Variants in NLGN2 observed in about 807,000 individuals in gnomAD.
NLGN2 encodes neuroligin-2.
In NLGN2, 11 loss-of-function variants were observed where a neutral mutation model predicts 48.6. The ratio of observed to expected loss-of-function variants is 0.23; its 90% CI spans 0.14 to 0.37. The LOEUF is 0.37. NLGN2 is among the 10% of genes least tolerant of loss of function. NLGN2 has a pLI of 1.00. For missense variants in NLGN2, 801 were observed against 1,225.2 expected (o/e 0.65, Z 5.17); for synonymous variants, 548 against 550.0 (o/e 1.00, Z 0.05).
chr17:7,408,546 C>T lies in NLGN2; in HGVS notation c.291C>T (p.Arg97=). 1.3e-6 allele frequency: 2 copies of T among 1,548,432 alleles called. No homozygotes were observed. The highest frequency in any genetic ancestry group is 2.4e-5 in the South Asian group (2 of 84,632). Residue 97 remains arginine, a synonymous_variant, in exon 1 of 7, where the codon CGC becomes CGT. Coordinates refer to ENST00000302926, the MANE Select transcript of NLGN2 (RefSeq NM_020795.4). The surrounding 1 kb of genome is among the most constrained non-coding windows in gnomAD (Gnocchi z 7.5). ...CGCCCGCCTCGTGGCCCGGCGTGCG[C>T]AACGCCACCACCCTGCCGCCCGCCT... ...PEAPASWPGV[R]NATTLPPACP...
At chr17:7,407,421 GTGT>G (rs1906690872), upstream of NLGN2, among the ~76,000 whole-genome samples, 1 of 152,224 alleles carries the variant, frequency 6.6e-6, no homozygotes, top group African/African-American at 2.4e-5. Context: ...AGCGAATGGT[GTGT>G]TGAAGTGGGG....
rs1188643532 is a variant in NLGN2 at position 7,408,706 on chromosome 17, G to A, written c.451G>A (p.Glu151Lys). 5.6e-6 allele frequency: 9 copies of A among 1,613,020 alleles called. No homozygotes were observed. The highest frequency in any genetic ancestry group is 7.6e-6 in the Non-Finnish European group (9 of 1,179,728). ...GTACCTCAACCTCTACGTGCCCACC[G>A]AGGACGGTAAGGGCGCGGGCACAAA... ...CLYLNLYVPT[E>K]DGPLTKKRDE... Residue 151 changes from glutamate (E) to lysine (K), a missense_variant, in exon 1 of 7, where the codon GAG becomes AAG. By Grantham distance (56) the Glu-to-Lys change is moderately conservative. Transcript: ENST00000302926. This position sits in a 1 kb window ranked among gnomAD's most constrained non-coding sequence, Gnocchi z 7.5.
upstream of NLGN2, among the ~76,000 whole-genome samples, chr17:7,407,287 T>G (rs1277733564): frequency 6.6e-6 from 1 of 152,094 alleles, no homozygotes; most frequent in Non-Finnish European, 1.5e-5. Flanking sequence ...CACGCATCTG[T>G]CCCTGGATTT....
chr17:7,418,632 C>G lies in NLGN2; in HGVS notation c.*833C>G, dbSNP rs976964893. 1 of 152,514 alleles carries G rather than the reference C, an allele frequency of 6.6e-6. No individual in the cohort carries two copies. The highest frequency in any genetic ancestry group is 6.5e-5 in the Admixed American group (1 of 15,280). The allele number at this position is 152,514 out of a possible 1,614,324, so 9.4% of individuals were successfully genotyped here. ...CTTCCCAGCACTTCCCTGCCTCCCCCAGGCCTCAGGCCCAGCACCCAGTTC... is the reference window on the plus strand; with the variant it reads ...CTTCCCAGCACTTCCCTGCCTCCCCGAGGCCTCAGGCCCAGCACCCAGTTC... On this transcript the variant is annotated 3_prime_UTR_variant, in exon 7 of 7. Transcript: ENST00000302926.
rs1467200471 is a variant in NLGN2, at chr17:7,414,925, AGCCTGGCCTGAGGTCT to A, written c.845-25_845-10del. The A allele has an allele frequency of 6.2e-7, 1 of 1,613,040 alleles. No homozygotes were observed. On this transcript the variant is annotated splice_polypyrimidine_tract_variant and intron_variant, in intron 4 of 6. Transcript: ENST00000302926. ...CCCTCTCCTTCAGGCCGGTACTCAC[AGCCTGGCCTGAGGTCT>A]GCCTGTCCCGCCAGGGCTGTTCCAG...
chr17:7,416,044 C>T lies in NLGN2; in HGVS notation c.1571C>T (p.Ser524Phe). 6.2e-7 allele frequency: 1 copy of T among 1,614,136 alleles called. No individual in the cohort carries two copies. Among genetic ancestry groups the T allele is most frequent in the Non-Finnish European group, 8.5e-7 (1 of 1,180,030 alleles). ...ACCGACCTCTTCCCCTGTAACTTCT[C>T]CAAGAATGACGTCATGCTCAGTGCC... is the stretch of plus-strand genomic sequence containing the variant. The part of the protein sequence containing the change: ...GATDLFPCNF[S>F]KNDVMLSAVV... The change falls in exon 6 of 7, where the codon TCC becomes TTC. Residue 524 changes from serine (S) to phenylalanine (F), a missense_variant. By Grantham distance (155) the Ser-to-Phe change is radical. Around this residue, in one of 5 missense-constraint regions of NLGN2, gnomAD observed 303 missense variants for 600.1 expected, o/e 0.50. Coordinates refer to ENST00000302926, the MANE Select transcript of NLGN2 (RefSeq NM_020795.4).
intron 5 of NLGN2, 74 bp downstream of exon 5, chr17:7,415,222 A>C: frequency 7.1e-7 from 1 of 1,410,472 alleles, no homozygotes; most frequent in Non-Finnish European, 9.6e-7. Context: ...GCCTGTGGGC[A>C]TACCATTTGG....
upstream of NLGN2, among the ~76,000 whole-genome samples, chr17:7,407,385 AG>A (rs1906689451): frequency 6.6e-6 from 1 of 152,060 alleles, no homozygotes; most frequent in African/African-American, 2.4e-5. Flanking sequence ...CTGGGGAGAG[AG>A]GGGTCGCAGG....
intron 6 of NLGN2, 77 bp downstream of exon 6, chr17:7,416,184 A>T: frequency 1.7e-6 from 2 of 1,205,536 alleles, no homozygotes; most frequent in Non-Finnish European, 2.4e-6. Context: ...CTGTTAAGGC[A>T]CTCACTCTGG....
In NLGN2 at chr17:7,415,718, C is replaced by T. The variant is rs1907074201; in HGVS notation, c.1245C>T (p.Asp415=). The T allele has an allele frequency of 1.2e-6, 2 of 1,614,138 alleles. No individual in the cohort carries two copies. Among genetic ancestry groups the T allele is most frequent in the Non-Finnish European group, 1.7e-6 (2 of 1,180,054 alleles). Residue 415 remains aspartate (D), a synonymous_variant, in exon 6 of 7, where the codon GAC becomes GAT. Transcript: ENST00000302926. ...AFDFTVSNFV[D]NLYGYPEGKD... is the part of the protein sequence containing the mutation. ...ACTTCACTGTCTCCAACTTTGTGGACAACCTGTATGGCTACCCGGAAGGCA... is the reference window on the plus strand; with the variant it reads ...ACTTCACTGTCTCCAACTTTGTGGATAACCTGTATGGCTACCCGGAAGGCA...
At chr17:7,412,263 C>A in intron 2 of NLGN2, 56 bp downstream of exon 2, 2 of 1,346,042 alleles carry the variant, frequency 1.5e-6, no homozygotes, top group Non-Finnish European at 2.1e-6. Flanking sequence ...ACATTCATGG[C>A]CCTGCCCCTC....
In NLGN2 at chr17:7,415,639, A is replaced by G; in HGVS notation, c.1166A>G (p.Lys389Arg). Residue 389 changes from lysine to arginine, a missense_variant, in exon 6 of 7, where the codon AAG becomes AGG. This residue lies in a region of NLGN2 where 303 missense variants were observed against 600.1 expected (regional missense o/e 0.50). Transcript: ENST00000302926. Reference sequence around the variant, plus strand: ...GGCGTCAACCAGGGAGAGGGCCTCAAGTTCGTGGAGGACTCTGCAGAGAGC... The same window carrying G: ...GGCGTCAACCAGGGAGAGGGCCTCAGGTTCGTGGAGGACTCTGCAGAGAGC... Reference protein sequence around the residue: ...LIGVNQGEGLKFVEDSAESED... With the variant: ...LIGVNQGEGLRFVEDSAESED... 6.2e-7 allele frequency: 1 copy of G among 1,613,724 alleles called. No individual in the cohort carries two copies. Among genetic ancestry groups the G allele is most frequent in the Non-Finnish European group, 8.5e-7 (1 of 1,179,590 alleles).
At chr17:7,406,770 T>G (rs1365711251), upstream of NLGN2, among the ~76,000 whole-genome samples, 3 of 143,456 alleles carry the variant, frequency 2.1e-5, no homozygotes, top group Non-Finnish European at 3.1e-5. Flanking sequence ...GTAGGGGGGG[T>G]GGCAAGGGGA....
At chr17:7,412,479 G>A (rs1906938360) in intron 2 of NLGN2, among the ~76,000 whole-genome samples, 2 of 152,120 alleles carry the variant, frequency 1.3e-5, no homozygotes, top group Admixed American at 1.3e-4. Context: ...AAATTGGAAT[G>A]TCAGAAAAAT....
In NLGN2 at chr17:7,408,859, T is replaced by A. The variant is rs1185225725; in HGVS notation, c.457+147T>A. Reference sequence around the variant, plus strand: ...ACGGAGTGTCCCTGCAACCTCTACGTGCCCCCTGAGGATTGTAAGGGTGCC... The same window carrying A: ...ACGGAGTGTCCCTGCAACCTCTACGAGCCCCCTGAGGATTGTAAGGGTGCC... On this transcript the variant is annotated intron_variant, in intron 1 of 6. Transcript: ENST00000302926. This position sits in a 1 kb window ranked among gnomAD's most constrained non-coding sequence, Gnocchi z 7.5. 8 of 1,436,478 alleles carry A rather than the reference T, an allele frequency of 5.6e-6. No individual in the cohort carries two copies. The highest frequency in any genetic ancestry group is 3.8e-6 in the Non-Finnish European group (4 of 1,049,632). The allele number at this position is 1,436,478 out of a possible 1,614,324, so 89.0% of individuals were successfully genotyped here. A position where few individuals can be genotyped will look rare whatever the true frequency, so the allele number is the denominator to read the frequency against.
In NLGN2 at chr17:7,408,820, G is replaced by A. The variant is rs747201875; in HGVS notation, c.457+108G>A. On this transcript the variant is annotated intron_variant, in intron 1 of 6. Transcript: ENST00000302926. The surrounding 1 kb of genome is among the most constrained non-coding windows in gnomAD (Gnocchi z 7.5). ...CTAGGGCTCAGAGCTGGGCCTTTGT[G>A]GGGGCAGTGAGGGACGGAGTGTCCC... 3.5e-4 allele frequency: 551 copies of A among 1,589,358 alleles called. No homozygotes were observed. Among genetic ancestry groups the A allele is most frequent in the Non-Finnish European group, 4.3e-4 (504 of 1,168,348 alleles).
rs1906897561 is a variant in NLGN2 at position 7,411,621 on chromosome 17, CAG to C, written c.458-533_458-532del. Among the ~76,000 whole-genome samples the C allele has an allele frequency of 6.6e-6, 1 of 152,212 alleles. No homozygotes were observed. On this transcript the variant is annotated intron_variant, in intron 1 of 6. Coordinates refer to ENST00000302926, the MANE Select transcript of NLGN2 (RefSeq NM_020795.4). The surrounding 1 kb of genome is among the most constrained non-coding windows in gnomAD (Gnocchi z 4.5). ...CCCTGCAGAGTGGTCCAGAGGGAAG[CAG>C]AGTCTTTTCTGCGGCAGTCTCTCCT...
upstream of NLGN2, among the ~76,000 whole-genome samples, chr17:7,407,285 T>G (rs1906685285): frequency 6.6e-6 from 1 of 152,180 alleles, no homozygotes; most frequent in Admixed American, 6.5e-5. Flanking sequence ...ATCACGCATC[T>G]GTCCCTGGAT....
rs1906716861 is a variant in NLGN2, at chr17:7,408,080, AAC to A, written c.-174_-173del. 3.0e-6 allele frequency: 1 copy of A among 338,886 alleles called. No individual in the cohort carries two copies. The allele number at this position is 338,886 out of a possible 1,614,324, so 21.0% of individuals were successfully genotyped here. On this transcript the variant is annotated 5_prime_UTR_variant, in exon 1 of 7. An upstream open reading frame in the 5' UTR loses its in-frame stop. Transcript: ENST00000302926. The surrounding 1 kb of genome is among the most constrained non-coding windows in gnomAD (Gnocchi z 7.5). ...ACCCCGTGCCCCCTCCATGGAGAGG[AAC>A]AGACCCCTTCTCTGTCCAGTCTAAC... is the stretch of plus-strand genomic sequence containing the variant.
Sources: allele counts gnomAD v4.1 joint callset (sites outside exome capture counted in the v4.1 genomes callset), GRCh38; gene constraint gnomAD v4.1.1; regional missense constraint gnomAD v4.1.1; non-coding constraint Gnocchi (gnomAD v3.1); transcripts MANE v1.5; gene names NCBI Gene and HGNC (gene_info 2026-07-23, HGNC 2026-07-21).